The following ITSN1 variants were observed in gnomAD, a reference collection of about 807,000 sequenced individuals.
The protein encoded by ITSN1 is intersectin-1.
ITSN1 carries 58 observed loss-of-function variants against 239.8 expected under a neutral mutation model. The observed-to-expected ratio is 0.24, with a 90% CI of 0.20 to 0.30. ITSN1 has a LOEUF of 0.30. ITSN1 is among the 10% of genes least tolerant of loss of function. The probability of loss-of-function intolerance (pLI) is 1.00; values close to 1 mark genes in which losing one functional copy is unlikely to be tolerated. For synonymous variants in ITSN1, 780 were observed against 770.8 expected (o/e 1.01, Z -0.20); for missense variants, 1,558 against 2,103.3 (o/e 0.74, Z 5.07).
Position 33,844,611 on chromosome 21 carries a change from A to G in ITSN1, c.3661+7979A>G, listed in dbSNP as rs531333390. 3.3e-5 allele frequency among the ~76,000 whole-genome samples: 5 copies of G among 152,254 alleles called. No individual in the cohort carries two copies. The East Asian group carries it at 9.7e-4, about 29-fold the overall frequency. On this transcript the variant is annotated intron_variant, in intron 29 of 39. Coordinates refer to ENST00000381318, the MANE Select transcript of ITSN1 (RefSeq NM_003024.3). ...TGTCTCCAGAGCAGCTGCCCCAGGC[A>G]TGCTTAATTCCCTCCCTGCCCACTG...
Position 33,704,501 on chromosome 21 carries a change from G to A in ITSN1, c.-32-14296G>A, listed in dbSNP as rs181391665. ...CTGAATCCAGACTCTCTCTTCCATT[G>A]TTTAATAACTGTATAAACTGTGTTT... On this transcript the variant is annotated intron_variant, in intron 1 of 39. Coordinates refer to ENST00000381318, the MANE Select transcript of ITSN1 (RefSeq NM_003024.3). Among the ~76,000 whole-genome samples the A allele has an allele frequency of 2.3e-3, 346 of 152,206 alleles. 1 individual carries two copies. Among genetic ancestry groups the A allele is most frequent in the African/African-American group, 8.1e-3 (336 of 41,522 alleles).
chr21:33,779,578 A>C (rs375722691), intron 14 of ITSN1, among the ~76,000 whole-genome samples: 3 of 152,264 alleles, frequency 2.0e-5, no homozygotes, highest in African/African-American at 7.2e-5. Flanking sequence ...GGTGGTCTTC[A>C]AGTCTCCTGT....
chr21:33,813,977 T>G lies in ITSN1; in HGVS notation c.2632T>G (p.Ser878Ala). The change falls in exon 22 of 40, where the codon TCT (serine) becomes GCT (alanine). Residue 878 changes from serine to alanine, a missense_variant. By Grantham distance (99) the Ser-to-Ala change is moderately conservative. Coordinates refer to ENST00000381318, the MANE Select transcript of ITSN1 (RefSeq NM_003024.3). ...CTGGGATGCATGGGCAGCCCAGCCC[T>G]CTCTCACCGTTCCAAGTGCCGGCCA... ...DNWDAWAAQP[S>A]LTVPSAGQLR... 2.5e-6 allele frequency: 4 copies of G among 1,614,126 alleles called. No individual in the cohort carries two copies. The South Asian group carries it at 4.4e-5, about 18-fold the overall frequency.
intron 29 of ITSN1, among the ~76,000 whole-genome samples, chr21:33,853,173 C>G (rs1221902843): frequency 6.6e-6 from 1 of 152,206 alleles, no homozygotes; most frequent in Non-Finnish European, 1.5e-5. Flanking sequence ...AAAACTTTTG[C>G]TTTTCATTGT....
At chr21:33,653,306 G>C (rs951911694) in intron 1 of ITSN1, among the ~76,000 whole-genome samples, 1 of 151,940 alleles carries the variant, frequency 6.6e-6, no homozygotes, top group Non-Finnish European at 1.5e-5. Flanking sequence ...TGATTGGGAA[G>C]TTCTGAGTTT....
chr21:33,813,814 G>A, intron 21 of ITSN1, 99 bp from the exon 22 acceptor site: 2 of 1,004,568 alleles, frequency 2.0e-6, no homozygotes, highest in Admixed American at 2.6e-5. Context: ...GCATATTAGG[G>A]AGTGCTTGCT....
intron 31 of ITSN1, among the ~76,000 whole-genome samples, chr21:33,862,721 G>A (rs1980858777): frequency 6.6e-6 from 1 of 152,230 alleles, no homozygotes; most frequent in African/African-American, 2.4e-5. Context: ...TCTGGAGTCA[G>A]ACCTGGGTTC....
intron 15 of ITSN1, 25 bp from the exon 16 acceptor site, chr21:33,781,969 T>C (rs777095077): frequency 3.2e-6 from 5 of 1,569,060 alleles, no homozygotes; most frequent in East Asian, 2.2e-5. Context: ...GTTTTTCTTA[T>C]CTTTGCGACG....
chr21:33,744,325 A>G (rs1218599187), intron 5 of ITSN1, among the ~76,000 whole-genome samples: 2 of 152,220 alleles, frequency 1.3e-5, no homozygotes, highest in Non-Finnish European at 2.9e-5. Context: ...TTGGTGTGGA[A>G]GAAAGGAGAT....
intron 1 of ITSN1, among the ~76,000 whole-genome samples, chr21:33,679,991 C>T (rs1477969368): frequency 2.0e-5 from 3 of 152,182 alleles, no homozygotes; most frequent in Admixed American, 2.0e-4. Flanking sequence ...AGACACCGCG[C>T]CCAGCCCATC....
At chr21:33,886,745 T>C (rs1985863626) in intron 39 of ITSN1, among the ~76,000 whole-genome samples, 1 of 152,098 alleles carries the variant, frequency 6.6e-6, no homozygotes, top group African/African-American at 2.4e-5. Flanking sequence ...GAGGGGTGTG[T>C]TTAAGAGCCT....
intron 27 of ITSN1, among the ~76,000 whole-genome samples, chr21:33,833,949 C>T (rs1257650370): frequency 6.6e-6 from 1 of 151,542 alleles, no homozygotes; most frequent in Non-Finnish European, 1.5e-5. Context: ...TCCTAAAACC[C>T]ATATACAGTG....
chr21:33,744,691 A>C (rs1011971770), intron 5 of ITSN1, among the ~76,000 whole-genome samples: 1 of 152,204 alleles, frequency 6.6e-6, no homozygotes, highest in Admixed American at 6.5e-5. Flanking sequence ...ATCAAAGCAT[A>C]GTAGGAGGAT....
chr21:33,710,920 C>G (rs2092398116), intron 1 of ITSN1, among the ~76,000 whole-genome samples: 1 of 151,764 alleles, frequency 6.6e-6, no homozygotes, highest in Non-Finnish European at 1.5e-5. Flanking sequence ...ATTCTCCTGC[C>G]TCAGCCTCCT....
At chr21:33,719,132 T>A (rs1456085185) in intron 2 of ITSN1, among the ~76,000 whole-genome samples, 1 of 152,154 alleles carries the variant, frequency 6.6e-6, no homozygotes, top group East Asian at 1.9e-4. Flanking sequence ...AGTACCATTA[T>A]CACATCTATA....
intron 1 of ITSN1, among the ~76,000 whole-genome samples, chr21:33,715,859 A>C (rs2147019795): frequency 6.6e-6 from 1 of 152,298 alleles, no homozygotes; most frequent in Admixed American, 6.5e-5. Flanking sequence ...TGGAGGTTGC[A>C]GTGAGCCAAG....
At position 33,891,666 on chromosome 21, in the gene ITSN1, T is replaced by A. The variant is rs1986373289; in HGVS notation, c.*3366T>A. 2 of 152,218 alleles carry A rather than the reference T, an allele frequency of 1.3e-5. No individual in the cohort carries two copies. Among genetic ancestry groups the A allele is most frequent in the African/African-American group, 4.8e-5 (2 of 41,522 alleles). The allele number at this position is 152,218 out of a possible 1,614,324, so 9.4% of individuals were successfully genotyped here. On this transcript the variant is annotated 3_prime_UTR_variant, in exon 40 of 40. Transcript: ENST00000381318. Reference sequence around the variant, plus strand: ...CTCCAGGAACTGGCTAGGACAAGTGTAAAGCCACTGACCACACAGAACCAG... The same window carrying A: ...CTCCAGGAACTGGCTAGGACAAGTGAAAAGCCACTGACCACACAGAACCAG...
At chr21:33,720,512 C>A (rs2065418399) in intron 2 of ITSN1, among the ~76,000 whole-genome samples, 1 of 152,094 alleles carries the variant, frequency 6.6e-6, no homozygotes. Context: ...GAAGGAAAAC[C>A]TAAAACCCAT....
At chr21:33,872,726 T>G (rs2148522059) in intron 33 of ITSN1, among the ~76,000 whole-genome samples, 1 of 152,270 alleles carries the variant, frequency 6.6e-6, no homozygotes, top group East Asian at 1.9e-4. Flanking sequence ...GAGACGGGGT[T>G]TGACCATGTT....
Sources: gnomAD v4.1 joint callset for allele counts (sites outside exome capture counted in the v4.1 genomes callset) on GRCh38, gnomAD v4.1.1 for gene constraint, MANE v1.5 for transcripts, NCBI Gene and HGNC (gene_info 2026-07-23, HGNC 2026-07-21) for gene names.